The following SLC6A5 variants were observed in gnomAD, a reference collection of about 807,000 sequenced individuals.
The protein encoded by SLC6A5 is solute carrier family 6 member 5.
A neutral mutation model predicts 90.5 loss-of-function variants in SLC6A5; 58 were observed. The observed-to-expected ratio is 0.64, with a 90% CI of 0.52 to 0.80. The LOEUF (loss-of-function observed/expected upper bound fraction) is 0.80. Ranked by LOEUF, SLC6A5 falls within the 30% of genes least tolerant of loss-of-function variation. SLC6A5 has a pLI of 0.00. For synonymous variants in SLC6A5, 427 were observed against 401.4 expected (o/e 1.06, Z -0.76); for missense variants, 1,015 against 1,017.6 (o/e 1.00, Z 0.03).
chr11:20,622,204 T>A (rs1852905161), intron 7 of SLC6A5, among the ~76,000 whole-genome samples: 2 of 152,216 alleles, frequency 1.3e-5, no homozygotes, highest in South Asian at 4.1e-4. Flanking sequence ...TGCAGAAACC[T>A]CCAATGCACA....
At chr11:20,626,013 T>C (rs1852986758) in intron 7 of SLC6A5, among the ~76,000 whole-genome samples, 1 of 152,218 alleles carries the variant, frequency 6.6e-6, no homozygotes, top group Non-Finnish European at 1.5e-5. Flanking sequence ...CCTCAATAAA[T>C]ATTTGTTGAA....
chr11:20,646,441 C>T (rs998765684), intron 13 of SLC6A5, among the ~76,000 whole-genome samples: 3 of 152,140 alleles, frequency 2.0e-5, no homozygotes, highest in Non-Finnish European at 4.4e-5. Flanking sequence ...TCAGAATATG[C>T]TCTGTTTATT....
intron 13 of SLC6A5, among the ~76,000 whole-genome samples, chr11:20,646,109 T>C (rs907934414): frequency 6.6e-6 from 1 of 152,186 alleles, no homozygotes; most frequent in African/African-American, 2.4e-5. Context: ...TTCTAAAATA[T>C]TTCTCAATGC....
chr11:20,626,632 C>T (rs527760104), intron 7 of SLC6A5, 76 bp from the exon 8 acceptor site: 303 of 1,528,300 alleles, frequency 2.0e-4, no homozygotes, highest in Non-Finnish European at 2.5e-4. Context: ...CCACTCTTCC[C>T]CGAGCAATGC....
intron 13 of SLC6A5, 24 bp downstream of exon 13, chr11:20,638,582 G>C: frequency 1.4e-6 from 2 of 1,400,030 alleles, no homozygotes; most frequent in East Asian, 2.3e-5. Context: ...TGTGCCTGTT[G>C]CTGAAGTAGA....
chr11:20,625,551 C>T (rs888970971), intron 7 of SLC6A5, among the ~76,000 whole-genome samples: 4 of 152,194 alleles, frequency 2.6e-5, no homozygotes, highest in African/African-American at 4.8e-5. Context: ...CATAAGCCAC[C>T]GCGCCCGGCC....
chr11:20,643,486 C>T (rs771335662), intron 13 of SLC6A5, among the ~76,000 whole-genome samples: 7 of 152,140 alleles, frequency 4.6e-5, no homozygotes, highest in African/African-American at 1.7e-4. Flanking sequence ...AGTGTCCTTG[C>T]GTCATGGATT....
chr11:20,604,554 A>T, intron 3 of SLC6A5, 130 bp downstream of exon 3: 1 of 1,149,392 alleles, frequency 8.7e-7, no homozygotes, highest in Non-Finnish European at 1.2e-6. Context: ...CTCCAGCCCT[A>T]CACCTCGTAG....
In SLC6A5 at chr11:20,601,092, G is replaced by A. The variant is rs1852461763; in HGVS notation, c.4-37G>A. Reference sequence around the variant, plus strand: ...ATACAGGTATTTTAAAAGCTGTTGTGACTTTGTTTTGCACGAACTTGACAT... The same window carrying A: ...ATACAGGTATTTTAAAAGCTGTTGTAACTTTGTTTTGCACGAACTTGACAT... On this transcript the variant is annotated intron_variant, in intron 1 of 15. Coordinates refer to ENST00000525748, the MANE Select transcript of SLC6A5 (RefSeq NM_004211.5). 3.8e-6 allele frequency: 6 copies of A among 1,565,352 alleles called. No homozygotes were observed. In the East Asian group the frequency reaches 1.1e-4, roughly 30 times the overall value.
At position 20,617,516 on chromosome 11, in the gene SLC6A5, G is replaced by A. The variant is rs16906566; in HGVS notation, c.1128-236G>A. On this transcript the variant is annotated intron_variant, in intron 6 of 15. Transcript: ENST00000525748. Reference sequence around the variant, plus strand: ...AGGGCCATGAGCAGCCTCCCAGCACGTAATCAAGAGCACAGTAAATCCAGC... The same window carrying A: ...AGGGCCATGAGCAGCCTCCCAGCACATAATCAAGAGCACAGTAAATCCAGC... Among the ~76,000 whole-genome samples, 16,113 of 152,188 alleles carry A rather than the reference G, an allele frequency of 0.11. 1,970 individuals are homozygous for A. Among genetic ancestry groups the A allele is most frequent in the East Asian group, 0.36 (1,860 of 5,144 alleles).
In SLC6A5 at chr11:20,628,086, A is replaced by G. The variant is rs1403617823; in HGVS notation, c.1499+3A>G. 1.1e-5 allele frequency: 17 copies of G among 1,606,542 alleles called. No individual in the cohort carries two copies. The highest frequency in any genetic ancestry group is 1.1e-5 in the Non-Finnish European group (13 of 1,173,210). On this transcript the variant is annotated splice_donor_region_variant and intron_variant, in intron 9 of 15. Coordinates refer to ENST00000525748, the MANE Select transcript of SLC6A5 (RefSeq NM_004211.5). ...AAATTCCACAACAACTGCTACAGGT[A>G]TGTAGAGGTACTACAAGATCTGGGC...
At position 20,652,336 on chromosome 11, in the gene SLC6A5, C is replaced by A. The variant is rs1256179512; in HGVS notation, c.2118C>A (p.Gly706=). Residue 706 remains glycine (G), a synonymous_variant, in exon 15 of 16, where the codon GGC becomes GGA. Transcript: ENST00000525748. ...ACCAGTGGGAGCCCATGACCTATGG[C>A]TCTTACCGCTATCCTAACTGGTCCA... is the stretch of plus-strand genomic sequence containing the variant. ...SFYQWEPMTY[G]SYRYPNWSMV... The A allele has an allele frequency of 1.2e-6, 2 of 1,614,140 alleles. No homozygotes were observed. Among genetic ancestry groups the A allele is most frequent in the Non-Finnish European group, 1.7e-6 (2 of 1,179,992 alleles).
chr11:20,619,223 C>T (rs527446786), intron 7 of SLC6A5, among the ~76,000 whole-genome samples: 42 of 152,266 alleles, frequency 2.8e-4, no homozygotes, highest in Middle Eastern at 3.4e-3. Flanking sequence ...TGGGTCTCAT[C>T]GGGAGGGTAG....
chr11:20,609,143 C>G (rs896876017), intron 5 of SLC6A5, among the ~76,000 whole-genome samples: 2 of 152,180 alleles, frequency 1.3e-5, no homozygotes, highest in African/African-American at 4.8e-5. Flanking sequence ...AGCTCCTACT[C>G]ATCTGGTACA....
chr11:20,601,808 G>A (rs1411109643), intron 2 of SLC6A5, 143 bp downstream of exon 2: 3 of 905,554 alleles, frequency 3.3e-6, no homozygotes, highest in Non-Finnish European at 5.1e-6. Context: ...GCGGCTTTGG[G>A]GCTTCGGAAG....
Position 20,629,874 on chromosome 11 carries a change from C to T in SLC6A5, c.1500-817C>T, listed in dbSNP as rs140196564. ...ATTGCGGGCATGTGCCACCATGCCC[C>T]GCTAATTTTTTTTTTTGTGTGTGTA... is the stretch of plus-strand genomic sequence containing the variant. On this transcript the variant is annotated intron_variant, in intron 9 of 15. Coordinates refer to ENST00000525748, the MANE Select transcript of SLC6A5 (RefSeq NM_004211.5). Among the ~76,000 whole-genome samples the T allele has an allele frequency of 7.6e-4, 116 of 151,858 alleles. 1 individual carries two copies. Among genetic ancestry groups the T allele is most frequent in the East Asian group, 1.8e-3 (9 of 5,140 alleles).
chr11:20,619,211 G>T (rs942231162), intron 7 of SLC6A5, among the ~76,000 whole-genome samples: 5 of 152,176 alleles, frequency 3.3e-5, no homozygotes, highest in African/African-American at 1.2e-4. Flanking sequence ...CTTCTGAAAG[G>T]TTGGGTCTCA....
At chr11:20,604,898 C>T (rs1397212312) in intron 3 of SLC6A5, among the ~76,000 whole-genome samples, 1 of 152,192 alleles carries the variant, frequency 6.6e-6, no homozygotes, top group Non-Finnish European at 1.5e-5. Flanking sequence ...TCAAAAACCT[C>T]TCAGAAGTGC....
chr11:20,642,454 T>G (rs974076984), intron 13 of SLC6A5, among the ~76,000 whole-genome samples: 1 of 152,080 alleles, frequency 6.6e-6, no homozygotes, highest in African/African-American at 2.4e-5. Flanking sequence ...TAGCCATGAG[T>G]TCACCACCTT....
Sources: allele counts gnomAD v4.1 joint callset (sites outside exome capture counted in the v4.1 genomes callset), GRCh38; gene constraint gnomAD v4.1.1; transcripts MANE v1.5; gene names NCBI Gene and HGNC (gene_info 2026-07-23, HGNC 2026-07-21).